METTL15: variants seen among roughly 807,000 people sequenced by gnomAD.
The protein encoded by METTL15 is 12S rRNA N(4)-cytidine methyltransferase METTL15.
Under a neutral mutation model 38.3 loss-of-function variants are expected in METTL15, and 34 were observed. That is an observed-to-expected ratio of 0.89 (90% confidence interval 0.68 to 1.18). The LOEUF is 1.18. Among genes scored for constraint, METTL15 ranks in the 50% most tolerant of loss-of-function variants. METTL15 has a pLI of 0.00. For synonymous variants in METTL15, 162 were observed against 170.9 expected, an observed-to-expected ratio of 0.95 and a Z score of 0.41; for missense variants, 438 against 498.4, an observed-to-expected ratio of 0.88 and a Z score of 1.15.
intron 3 of METTL15, among the ~76,000 whole-genome samples, chr11:28,203,913 T>C (rs1451650409): frequency 6.6e-6 from 1 of 152,028 alleles, no homozygotes; most frequent in South Asian, 2.1e-4. Flanking sequence ...AATGAATCAG[T>C]TGGCAATATT....
At position 28,331,942 on chromosome 11, in the gene METTL15, A is replaced by T. The variant is rs1231619944; in HGVS notation, c.*1101A>T. On this transcript the variant is annotated 3_prime_UTR_variant, in exon 7 of 7. Transcript: ENST00000407364. The stretch of plus-strand genomic sequence containing the variant: ...CATAGAAATAAATATTCTCTTAGTT[A>T]TCCTTGAAATCATATTTATACTATT... 1.3e-5 allele frequency: 2 copies of T among 152,176 alleles called. No homozygotes were observed. Among genetic ancestry groups the T allele is most frequent in the Admixed American group, 6.5e-5 (1 of 15,280 alleles). The allele number at this position is 152,176 out of a possible 1,614,324, so 9.4% of individuals were successfully genotyped here. A position where few individuals can be genotyped will look rare whatever the true frequency, so the allele number is the denominator to read the frequency against.
chr11:28,378,436 C>T (rs1850344875), intron 5 of METTL15, among the ~76,000 whole-genome samples: 1 of 152,208 alleles, frequency 6.6e-6, no homozygotes. Context: ...CATTCGTCAC[C>T]CCTTTCTTTG....
chr11:28,157,990 G>A (rs1850322204), intron 3 of METTL15, among the ~76,000 whole-genome samples: 1 of 152,296 alleles, frequency 6.6e-6, no homozygotes, highest in East Asian at 1.9e-4. Flanking sequence ...TTCCCAGTGG[G>A]CAGAACTTCA....
intron 6 of METTL15, among the ~76,000 whole-genome samples, chr11:28,522,269 T>C (rs1851771124): frequency 6.6e-6 from 1 of 152,216 alleles, no homozygotes; most frequent in Admixed American, 6.5e-5. Flanking sequence ...ACCGGTGGGA[T>C]GTATGTATAC....
rs1368016066 is a variant in METTL15 at position 28,331,918 on chromosome 11, A to G, written c.*1077A>G. The stretch of plus-strand genomic sequence containing the variant: ...AAGGGGGCATGTTGATTAACCATAC[A>G]TAGAAATAAATATTCTCTTAGTTAT... On this transcript the variant is annotated 3_prime_UTR_variant, in exon 7 of 7. Coordinates refer to ENST00000407364, the MANE Select transcript of METTL15 (RefSeq NM_001113528.2). 3 of 152,182 alleles carry G rather than the reference A, an allele frequency of 2.0e-5. No individual in the cohort carries two copies. The highest frequency in any genetic ancestry group is 2.0e-4 in the Admixed American group (3 of 15,284). The allele number at this position is 152,182 out of a possible 1,614,324, so 9.4% of individuals were successfully genotyped here.
At chr11:28,409,647 TATAGCA>T (rs1156285988) in intron 5 of METTL15, among the ~76,000 whole-genome samples, 1 of 151,980 alleles carries the variant, frequency 6.6e-6, no homozygotes, top group African/African-American at 2.4e-5. Flanking sequence ...GAGGGAAGTT[TATAGCA>T]ATACACTCCT....
downstream of METTL15, among the ~76,000 whole-genome samples, chr11:28,528,578 G>A (rs1179547111): frequency 6.6e-6 from 1 of 152,200 alleles, no homozygotes; most frequent in Non-Finnish European, 1.5e-5. Flanking sequence ...AGTGCCAACG[G>A]TCCAATTTTT....
chr11:28,514,232 A>G (rs1179765634), intron 6 of METTL15, among the ~76,000 whole-genome samples: 1 of 152,232 alleles, frequency 6.6e-6, no homozygotes, highest in Non-Finnish European at 1.5e-5. Context: ...GTCTAAGCCA[A>G]TCAACATATG....
chr11:28,272,888 A>G (rs1489555405), intron 4 of METTL15, among the ~76,000 whole-genome samples: 1 of 152,124 alleles, frequency 6.6e-6, no homozygotes, highest in Non-Finnish European at 1.5e-5. Context: ...CTTTACCACT[A>G]CTAGCTGTGT....
intron 3 of METTL15, among the ~76,000 whole-genome samples, chr11:28,158,829 G>A (rs1850351978): frequency 6.6e-6 from 1 of 152,132 alleles, no homozygotes; most frequent in Non-Finnish European, 1.5e-5. Flanking sequence ...ATGGTGGAAT[G>A]GCCTTTTGAA....
chr11:28,147,694 T>C (rs1282507636), intron 3 of METTL15, among the ~76,000 whole-genome samples: 3 of 151,794 alleles, frequency 2.0e-5, no homozygotes, highest in Non-Finnish European at 4.4e-5. Flanking sequence ...AAAAATTCTG[T>C]GGTCAAATAT....
intron 5 of METTL15, among the ~76,000 whole-genome samples, chr11:28,365,011 T>C (rs759291558): frequency 6.6e-6 from 1 of 152,212 alleles, no homozygotes; most frequent in Non-Finnish European, 1.5e-5. Context: ...CAACTTTGCA[T>C]CCCAGAAATA....
intron 4 of METTL15, among the ~76,000 whole-genome samples, chr11:28,247,906 A>G (rs762882364): frequency 6.6e-6 from 1 of 152,114 alleles, no homozygotes; most frequent in African/African-American, 2.4e-5. Flanking sequence ...TTAACCAACA[A>G]TTGCTGGTTA....
intron 6 of METTL15, among the ~76,000 whole-genome samples, chr11:28,515,118 A>AG (rs1305132176): frequency 6.6e-6 from 1 of 152,178 alleles, no homozygotes; most frequent in Non-Finnish European, 1.5e-5. Flanking sequence ...GCTATGAGAG[A>AG]GGGGACAGGA....
At chr11:28,446,464 A>G (rs1851076165) in intron 6 of METTL15, among the ~76,000 whole-genome samples, 2 of 152,096 alleles carry the variant, frequency 1.3e-5, no homozygotes, top group African/African-American at 4.8e-5. Flanking sequence ...GCTGTCTGTG[A>G]GGCGTGAGCC....
chr11:28,148,135 G>A (rs1190847461), intron 3 of METTL15, among the ~76,000 whole-genome samples: 2 of 151,694 alleles, frequency 1.3e-5, no homozygotes, highest in Non-Finnish European at 2.9e-5. Flanking sequence ...GTCATATCTT[G>A]GGAATATAGT....
chr11:28,519,807 CCTT>C (rs1851749633), intron 6 of METTL15, among the ~76,000 whole-genome samples: 1 of 152,128 alleles, frequency 6.6e-6, no homozygotes, highest in Non-Finnish European at 1.5e-5. Flanking sequence ...AATTCAACCA[CCTT>C]CTTGTTATAG....
At chr11:28,231,991 A>AG (rs1853704833) in intron 4 of METTL15, among the ~76,000 whole-genome samples, 1 of 151,882 alleles carries the variant, frequency 6.6e-6, no homozygotes, top group Admixed American at 6.6e-5. Flanking sequence ...ATGGATGATG[A>AG]TTTTTTCATT....
chr11:28,170,822 C>A (rs1850830327), intron 3 of METTL15, among the ~76,000 whole-genome samples: 1 of 152,122 alleles, frequency 6.6e-6, no homozygotes, highest in South Asian at 2.1e-4. Context: ...TTCTTTATTG[C>A]AACCTGTTTT....
Sources: allele counts gnomAD v4.1 joint callset (sites outside exome capture counted in the v4.1 genomes callset), GRCh38; gene constraint gnomAD v4.1.1; transcripts MANE v1.5; gene names NCBI Gene and HGNC (gene_info 2026-07-23, HGNC 2026-07-21).